Variants in KATNA1 observed in about 807,000 individuals in gnomAD.
KATNA1 encodes the protein katanin catalytic subunit A1, also known as katanin p60 ATPase-containing subunit A1.
In KATNA1, 42 loss-of-function variants were observed where a neutral mutation model predicts 62.6. That is an observed-to-expected ratio of 0.67 (90% CI 0.52 to 0.87). The LOEUF is 0.87. KATNA1 is among the 40% of genes least tolerant of loss of function. The pLI is 0.00. For synonymous variants in KATNA1, 186 were observed against 201.9 expected (o/e 0.92, Z 0.67); for missense variants, 498 against 612.5 (o/e 0.81, Z 1.97).
intron 2 of KATNA1, among the ~76,000 whole-genome samples, chr6:149,633,610 AC>A (rs1183547976): frequency 5.3e-5 from 8 of 151,676 alleles, no homozygotes; most frequent in African/African-American, 1.9e-4. Flanking sequence ...GCAGGCACCT[AC>A]AGGCCCAGCT....
intron 4 of KATNA1, 34 bp from the exon 5 acceptor site, chr6:149,604,816 T>C: frequency 6.3e-7 from 1 of 1,597,822 alleles, no homozygotes; most frequent in South Asian, 1.1e-5. Context: ...CGCTTTTGAT[T>C]CATTTATTTT....
intron 4 of KATNA1, among the ~76,000 whole-genome samples, chr6:149,614,029 T>G (rs917941557): frequency 6.6e-6 from 1 of 152,130 alleles, no homozygotes; most frequent in Non-Finnish European, 1.5e-5. Context: ...ATCTTGGACT[T>G]CCTAACCTCC....
At chr6:149,604,059 A>T (rs1403014724) in intron 5 of KATNA1, among the ~76,000 whole-genome samples, 2 of 152,254 alleles carry the variant, frequency 1.3e-5, no homozygotes, top group African/African-American at 2.4e-5. Flanking sequence ...ACTCATTGTA[A>T]TACATTACAG....
At chr6:149,596,255 C>G (rs990147077) in intron 10 of KATNA1, among the ~76,000 whole-genome samples, 2 of 152,182 alleles carry the variant, frequency 1.3e-5, no homozygotes, top group African/African-American at 4.8e-5. Context: ...GTATGTGGGG[C>G]CGGGCATGGT....
At chr6:149,604,547 C>T in intron 5 of KATNA1, 114 bp downstream of exon 5, 2 of 1,104,224 alleles carry the variant, frequency 1.8e-6, no homozygotes, top group Non-Finnish European at 2.7e-6. Flanking sequence ...TCACGCTGCA[C>T]ATACTCCGGT....
chr6:149,613,178 TCAAAAAAAAAAAAAAAAA>T (rs1779025334), intron 4 of KATNA1, among the ~76,000 whole-genome samples: 1 of 7,942 alleles, frequency 1.3e-4, no homozygotes, highest in Non-Finnish European at 2.6e-4. Context: ...AGACTCTGTC[TCAAAAAAAAAAAAAAAAA>T]AAAAAAAAAA....
chr6:149,598,209 G>A lies in KATNA1; in HGVS notation c.1015+15C>T. 1 of 1,613,388 alleles carries A rather than the reference G, an allele frequency of 6.2e-7. No homozygotes were observed. The highest frequency in any genetic ancestry group is 8.5e-7 in the Non-Finnish European group (1 of 1,179,728). ...AACCTCCCGTCCCTGTTCAACTCAA[G>A]CTAAACACAGATACCATCCATCTGA... On this transcript the variant is annotated intron_variant, in intron 8 of 10. Coordinates refer to ENST00000367411, the MANE Select transcript of KATNA1 (RefSeq NM_007044.4).
At chr6:149,599,724 G>A (rs1237016957) in intron 7 of KATNA1, among the ~76,000 whole-genome samples, 3 of 151,822 alleles carry the variant, frequency 2.0e-5, no homozygotes, top group Non-Finnish European at 2.9e-5. Flanking sequence ...CATCATGTTG[G>A]CCAGGCTGGT....
Position 149,595,244 on chromosome 6 carries a change from A to C in KATNA1, c.1278-10T>G, listed in dbSNP as rs754043447. On this transcript the variant is annotated splice_polypyrimidine_tract_variant and intron_variant, in intron 10 of 10. Coordinates refer to ENST00000367411, the MANE Select transcript of KATNA1 (RefSeq NM_007044.4). ...CATCAAGGACGCATCCCTAGGTTTTAAGTTAAAAACAACAACAACACACAC... is the reference window on the plus strand; with the variant it reads ...CATCAAGGACGCATCCCTAGGTTTTCAGTTAAAAACAACAACAACACACAC... 1 of 1,608,784 alleles carries C rather than the reference A, an allele frequency of 6.2e-7. No individual in the cohort carries two copies. The highest frequency in any genetic ancestry group is 1.7e-5 in the Admixed American group (1 of 59,594).
At chr6:149,637,653 C>T (rs1019502257) in intron 2 of KATNA1, among the ~76,000 whole-genome samples, 4 of 152,012 alleles carry the variant, frequency 2.6e-5, no homozygotes, top group Non-Finnish European at 5.9e-5. Context: ...ATGGTGAAAG[C>T]CCGTCTCTAC....
chr6:149,642,342 G>A (rs1780322396), intron 1 of KATNA1, among the ~76,000 whole-genome samples: 1 of 152,062 alleles, frequency 6.6e-6, no homozygotes, highest in Admixed American at 6.6e-5. Flanking sequence ...CAGTACTTGG[G>A]GAAATTATGT....
chr6:149,645,188 T>C (rs966913967), intron 1 of KATNA1, among the ~76,000 whole-genome samples: 1 of 152,196 alleles, frequency 6.6e-6, no homozygotes, highest in Admixed American at 6.6e-5. Flanking sequence ...GGCTCACGCC[T>C]GTAATCACAG....
At chr6:149,645,893 T>C (rs1399851118) in intron 1 of KATNA1, among the ~76,000 whole-genome samples, 1 of 151,962 alleles carries the variant, frequency 6.6e-6, no homozygotes, top group Non-Finnish European at 1.5e-5. Flanking sequence ...TTTTCTCCTC[T>C]AGGATTAGGA....
chr6:149,595,359 T>C, intron 10 of KATNA1, 125 bp from the exon 11 acceptor site: 2 of 608,448 alleles, frequency 3.3e-6, no homozygotes, highest in South Asian at 5.0e-5. Flanking sequence ...CATATATATG[T>C]AGTATTGTAT....
At chr6:149,639,027 C>G (rs549819552) in intron 1 of KATNA1, among the ~76,000 whole-genome samples, 52 of 151,902 alleles carry the variant, frequency 3.4e-4, no homozygotes, top group Non-Finnish European at 4.3e-4. Context: ...GCATGAGCCA[C>G]CGCGCCTGGC....
At chr6:149,614,300 C>T (rs1294826848) in intron 4 of KATNA1, among the ~76,000 whole-genome samples, 2 of 152,184 alleles carry the variant, frequency 1.3e-5, no homozygotes, top group East Asian at 3.9e-4. Flanking sequence ...GCTATGGTTG[C>T]ACCCCTCCTC....
chr6:149,608,330 G>GTT (rs1329431975), intron 4 of KATNA1, among the ~76,000 whole-genome samples: 1 of 152,126 alleles, frequency 6.6e-6, no homozygotes, highest in Admixed American at 6.6e-5. Flanking sequence ...AGTTCCCTGG[G>GTT]TTTTCTTTCT....
At chr6:149,632,564 T>G (rs1779891143) in intron 3 of KATNA1, among the ~76,000 whole-genome samples, 195 bp downstream of exon 3, 1 of 152,188 alleles carries the variant, frequency 6.6e-6, no homozygotes, top group Non-Finnish European at 1.5e-5. Context: ...TTTAAATTAT[T>G]CCTACCTAAA....
intron 9 of KATNA1, 77 bp from the exon 10 acceptor site, chr6:149,597,266 G>T (rs1472064716): frequency 6.9e-7 from 1 of 1,448,814 alleles, no homozygotes; most frequent in Non-Finnish European, 9.4e-7. Context: ...TCTTCTTTGT[G>T]TGAGATGTTG....
Sources: gnomAD v4.1 joint callset for allele counts (sites outside exome capture counted in the v4.1 genomes callset) on GRCh38, gnomAD v4.1.1 for gene constraint, MANE v1.5 for transcripts, NCBI Gene and HGNC (gene_info 2026-07-23, HGNC 2026-07-21) for gene names.